The following PRRG4 variants were observed in gnomAD, a reference collection of about 807,000 sequenced individuals.
PRRG4 encodes transmembrane gamma-carboxyglutamic acid protein 4.
A neutral mutation model predicts 20.0 loss-of-function variants in PRRG4; 12 were observed. The ratio of observed to expected loss-of-function variants is 0.60; its 90% CI spans 0.38 to 0.97. The LOEUF (loss-of-function observed/expected upper bound fraction) is 0.97. Among genes scored for constraint, PRRG4 ranks in the 50% least tolerant of loss-of-function variants. The pLI, the probability that PRRG4 is intolerant of heterozygous loss-of-function variation, is 0.00. For missense variants in PRRG4, 199 were observed against 265.1 expected (o/e 0.75, Z 1.73); for synonymous variants, 94 against 96.4 (o/e 0.98, Z 0.15).
Position 32,847,244 on chromosome 11 carries a change from A to G in PRRG4, c.450-6052A>G, listed in dbSNP as rs370739824. Among the ~76,000 whole-genome samples the G allele has an allele frequency of 1.4e-4, 21 of 152,180 alleles. No homozygotes were observed. In the East Asian group the frequency reaches 1.9e-3, roughly 14 times the overall value. On this transcript the variant is annotated intron_variant, in intron 5 of 5. Coordinates refer to ENST00000257836, the MANE Select transcript of PRRG4 (RefSeq NM_024081.6). ...ACTGCACCCGGCCAAAATAGTTTAT[A>G]TTTTAAAGATAGCTCAAGAAAGGAT...
rs1468551541 is a variant in PRRG4, at chr11:32,856,017, C to A, written c.*2490C>A. The A allele has an allele frequency of 6.6e-6, 1 of 152,022 alleles. No individual in the cohort carries two copies. The highest frequency in any genetic ancestry group is 1.9e-4 in the East Asian group (1 of 5,196). 9.4% of individuals were successfully genotyped at this position (152,022 alleles called of 1,614,324 possible). Reference sequence around the variant, plus strand: ...AAATTCAGGGATCTTGTACATAATTCTAAGTTTGGGACAGAAATTTACAAG... The same window carrying A: ...AAATTCAGGGATCTTGTACATAATTATAAGTTTGGGACAGAAATTTACAAG... On this transcript the variant is annotated 3_prime_UTR_variant, in exon 6 of 6. Transcript: ENST00000257836.
intron 5 of PRRG4, among the ~76,000 whole-genome samples, chr11:32,842,339 T>C (rs1440468242): frequency 1.3e-5 from 2 of 152,210 alleles, no homozygotes; most frequent in South Asian, 2.1e-4. Context: ...TTAAAGTTCC[T>C]TAATATTTTT....
intron 5 of PRRG4, among the ~76,000 whole-genome samples, chr11:32,851,087 A>G (rs1243698839): frequency 1.3e-5 from 2 of 152,052 alleles, no homozygotes; most frequent in African/African-American, 2.4e-5. Context: ...AATAATAATA[A>G]TAATAATAAG....
chr11:32,853,219 G>A, intron 5 of PRRG4, 77 bp from the exon 6 acceptor site: 1 of 928,042 alleles, frequency 1.1e-6, no homozygotes, highest in South Asian at 1.4e-5. Flanking sequence ...TAAGATAGTT[G>A]GTTGGATTTT....
intron 5 of PRRG4, among the ~76,000 whole-genome samples, chr11:32,850,932 G>A (rs1174758391): frequency 6.6e-6 from 1 of 152,162 alleles, no homozygotes; most frequent in Middle Eastern, 3.2e-3. Context: ...AATTAGCCGG[G>A]TGTGGTGGCG....
chr11:32,829,941 T>A lies in PRRG4; in HGVS notation c.-255T>A, dbSNP rs61889487. On this transcript the variant is annotated 5_prime_UTR_variant, in exon 1 of 6. Coordinates refer to ENST00000257836, the MANE Select transcript of PRRG4 (RefSeq NM_024081.6). ...CTCCTCCCGTCCTCCGTCGGCCGCC[T>A]CCCCGGACCGAGGCAGGACCTCACC... 89,390 of 985,476 alleles carry A rather than the reference T, an allele frequency of 0.091. 4,240 individuals carry two copies. Among genetic ancestry groups the A allele is most frequent in the Non-Finnish European group, 0.094 (78,314 of 830,048 alleles). 61.0% of individuals were successfully genotyped at this position (985,476 alleles called of 1,614,324 possible).
intron 2 of PRRG4, 64 bp downstream of exon 2, chr11:32,830,696 G>A (rs1850962227): frequency 2.5e-6 from 4 of 1,606,704 alleles, no homozygotes; most frequent in South Asian, 2.2e-5. Flanking sequence ...AGAAAGTGCA[G>A]TATTTGAAAT....
chr11:32,853,380 G>A lies in PRRG4; in HGVS notation c.534G>A (p.Pro178=), dbSNP rs11032025. 0.39 allele frequency: 631,342 copies of A among 1,613,384 alleles called. 124,474 individuals are homozygous for A. The highest frequency in any genetic ancestry group is 0.45 in the South Asian group (41,203 of 91,056). ...RPEEAALSPL[P]PSVEDAGLPS... is the part of the protein sequence containing the mutation. ...AGGAGGCTGCCTTGTCTCCATTGCC[G>A]CCTTCTGTGGAGGATGCAGGATTAC... Residue 178 remains proline (P), a synonymous_variant, in exon 6 of 6, where the codon CCG becomes CCA. Coordinates refer to ENST00000257836, the MANE Select transcript of PRRG4 (RefSeq NM_024081.6).
chr11:32,837,535 GATGATGATTATTATTATT>G (rs35125078), intron 3 of PRRG4, among the ~76,000 whole-genome samples: 3,233 of 103,190 alleles, frequency 0.031, 57 homozygotes, highest in African/African-American at 0.053. Context: ...TGATGATGAT[GATGATGATTATTATTATT>G]ATTATTATTA....
intron 5 of PRRG4, among the ~76,000 whole-genome samples, chr11:32,847,665 G>T (rs1485726505): frequency 6.6e-6 from 1 of 152,090 alleles, no homozygotes; most frequent in Non-Finnish European, 1.5e-5. Context: ...CAAAAGCATT[G>T]AAAACAGGAA....
chr11:32,830,933 T>C (rs968563282), intron 2 of PRRG4, among the ~76,000 whole-genome samples: 5 of 152,192 alleles, frequency 3.3e-5, no homozygotes, highest in African/African-American at 1.2e-4. Flanking sequence ...TAGATGAAGC[T>C]GTGTGGCGAT....
At chr11:32,839,482 A>G (rs1400035809) in intron 4 of PRRG4, among the ~76,000 whole-genome samples, 2 of 151,948 alleles carry the variant, frequency 1.3e-5, no homozygotes, top group Non-Finnish European at 2.9e-5. Context: ...TGCTTAATAA[A>G]TATTATCTCA....
chr11:32,855,952 C>G lies in PRRG4; in HGVS notation c.*2425C>G, dbSNP rs1668892508. On this transcript the variant is annotated 3_prime_UTR_variant, in exon 6 of 6. Transcript: ENST00000257836. ...GAATGAGTGAGCACACTTTTCTAGT[C>G]CCATGTCATGCCTATAAAATTACAC... is the stretch of plus-strand genomic sequence containing the variant. 1 of 152,102 alleles carries G rather than the reference C, an allele frequency of 6.6e-6. No individual in the cohort carries two copies. Among genetic ancestry groups the G allele is most frequent in the African/African-American group, 2.4e-5 (1 of 41,422 alleles). The allele number at this position is 152,102 out of a possible 1,614,324, so 9.4% of individuals were successfully genotyped here. A position where few individuals can be genotyped will look rare whatever the true frequency, so the allele number is the denominator to read the frequency against.
intron 5 of PRRG4, among the ~76,000 whole-genome samples, chr11:32,848,764 G>A (rs1288125107): frequency 6.6e-6 from 1 of 151,972 alleles, no homozygotes; most frequent in East Asian, 1.9e-4. Flanking sequence ...CTGAGGTCAG[G>A]AGTTCAAGAC....
In PRRG4 at chr11:32,857,352, T is replaced by C. The variant is rs1590683556; in HGVS notation, c.*3825T>C. On this transcript the variant is annotated 3_prime_UTR_variant, in exon 6 of 6. Coordinates refer to ENST00000257836, the MANE Select transcript of PRRG4 (RefSeq NM_024081.6). ...TTTTAGTGGAGATGGGGTTTTGCCA[T>C]GTTGGCCAGGCTGGTCTCAAACTCC... The C allele has an allele frequency of 6.6e-6, 1 of 152,296 alleles. No individual in the cohort carries two copies. The highest frequency in any genetic ancestry group is 2.4e-5 in the African/African-American group (1 of 41,422). 9.4% of individuals were successfully genotyped at this position (152,296 alleles called of 1,614,324 possible). A position where few individuals can be genotyped will look rare whatever the true frequency, so the allele number is the denominator to read the frequency against.
rs942254421 is a variant in PRRG4, at chr11:32,845,474, A to T, written c.449+5235A>T. ...CCCCGTCTCTCCTAAAAATAAAAAT[A>T]AAAAAAAATCAGCCGGGCGTGATGG... On this transcript the variant is annotated intron_variant, in intron 5 of 5. Coordinates refer to ENST00000257836, the MANE Select transcript of PRRG4 (RefSeq NM_024081.6). 9.2e-5 allele frequency among the ~76,000 whole-genome samples: 14 copies of T among 151,622 alleles called. No homozygotes were observed. In the South Asian group the frequency reaches 1.9e-3, roughly 20 times the overall value.
At chr11:32,841,165 G>A (rs1336826455) in intron 5 of PRRG4, among the ~76,000 whole-genome samples, 4 of 151,528 alleles carry the variant, frequency 2.6e-5, no homozygotes, top group African/African-American at 9.7e-5. Context: ...ACAAGCTCAA[G>A]GTGGCGATCA....
At chr11:32,839,540 C>G (rs1485118988) in intron 4 of PRRG4, among the ~76,000 whole-genome samples, 3 of 150,806 alleles carry the variant, frequency 2.0e-5, no homozygotes. Flanking sequence ...TATGTTTATC[C>G]CACTTAATGC....
At chr11:32,836,591 A>C in intron 2 of PRRG4, 67 bp from the exon 3 acceptor site, 2 of 954,424 alleles carry the variant, frequency 2.1e-6, no homozygotes, top group Non-Finnish European at 3.0e-6. Flanking sequence ...ACTTTTTTCC[A>C]CAATTAAAAC....
Sources: gnomAD v4.1 joint callset for allele counts (sites outside exome capture counted in the v4.1 genomes callset) on GRCh38, gnomAD v4.1.1 for gene constraint, MANE v1.5 for transcripts, NCBI Gene and HGNC (gene_info 2026-07-23, HGNC 2026-07-21) for gene names.